Variants in ARHGAP26 observed in about 807,000 individuals in gnomAD.
ARHGAP26 encodes Rho GTPase activating protein 26.
Under a neutral mutation model 104.8 loss-of-function variants are expected in ARHGAP26, and 38 were observed. That is an observed-to-expected ratio of 0.36 (90% confidence interval 0.28 to 0.48). The LOEUF (loss-of-function observed/expected upper bound fraction) is 0.48. ARHGAP26 is among the 20% of genes least tolerant of loss of function. The probability of loss-of-function intolerance (pLI) is 0.99; values close to 1 mark genes in which losing one functional copy is unlikely to be tolerated. For synonymous variants in ARHGAP26, 341 were observed against 340.0 expected (o/e 1.00, Z -0.03); for missense variants, 704 against 947.9 (o/e 0.74, Z 3.38).
intron 11 of ARHGAP26, among the ~76,000 whole-genome samples, chr5:143,008,977 G>A (rs979006610): frequency 2.0e-5 from 3 of 151,992 alleles, no homozygotes; most frequent in Non-Finnish European, 4.4e-5. Flanking sequence ...GGCTTTCCTC[G>A]CCCTCCTTTG....
At chr5:142,833,081 G>A (rs548446784) in intron 1 of ARHGAP26, among the ~76,000 whole-genome samples, 32 of 152,048 alleles carry the variant, frequency 2.1e-4, no homozygotes, top group Admixed American at 1.6e-3. Context: ...TTGAGGTGGA[G>A]TTTCACTTTT....
intron 1 of ARHGAP26, among the ~76,000 whole-genome samples, chr5:142,792,850 C>A (rs372597429): frequency 4.6e-5 from 7 of 152,320 alleles, no homozygotes; most frequent in African/African-American, 1.4e-4. Flanking sequence ...TAAATAGTAA[C>A]ATTAAAGTTC....
intron 18 of ARHGAP26, among the ~76,000 whole-genome samples, chr5:143,126,470 C>G (rs1391845192): frequency 1.3e-5 from 2 of 152,140 alleles, no homozygotes; most frequent in African/African-American, 4.8e-5. Flanking sequence ...GAAAGACATC[C>G]TTGGAAGCTG....
intron 22 of ARHGAP26, among the ~76,000 whole-genome samples, chr5:143,219,731 T>C (rs560944175): frequency 3.3e-5 from 5 of 152,386 alleles, no homozygotes; most frequent in Non-Finnish European, 7.3e-5. Flanking sequence ...TTATAGCTCC[T>C]AACTTCCTGT....
At chr5:143,049,654 C>A (rs762822798) in intron 14 of ARHGAP26, among the ~76,000 whole-genome samples, 19 of 152,112 alleles carry the variant, frequency 1.2e-4, no homozygotes, top group African/African-American at 4.8e-5. Flanking sequence ...TGGATAGATT[C>A]TCCTTGTTCT....
chr5:143,097,360 G>GAAAA (rs56116431), intron 17 of ARHGAP26, among the ~76,000 whole-genome samples: 44 of 63,238 alleles, frequency 7.0e-4, no homozygotes, highest in Non-Finnish European at 8.3e-4. Flanking sequence ...TCAAAAAAAA[G>GAAAA]AAAAAAAAAA....
chr5:142,833,438 G>T (rs1768923366), intron 1 of ARHGAP26, among the ~76,000 whole-genome samples: 1 of 151,816 alleles, frequency 6.6e-6, no homozygotes, highest in South Asian at 2.1e-4. Context: ...TCTGTTTTAT[G>T]GATATAAGAT....
At chr5:143,068,421 AC>A (rs1408906633) in intron 17 of ARHGAP26, among the ~76,000 whole-genome samples, 2 of 151,940 alleles carry the variant, frequency 1.3e-5, no homozygotes, top group Non-Finnish European at 2.9e-5. Flanking sequence ...CAATATCCAC[AC>A]CTGTGCCTAT....
At chr5:142,833,028 C>T (rs1768809205) in intron 1 of ARHGAP26, among the ~76,000 whole-genome samples, 1 of 151,922 alleles carries the variant, frequency 6.6e-6, no homozygotes, top group Non-Finnish European at 1.5e-5. Flanking sequence ...GAAATACACT[C>T]ATAATCTTAC....
intron 17 of ARHGAP26, among the ~76,000 whole-genome samples, chr5:143,093,320 A>G (rs1047329503): frequency 6.6e-6 from 1 of 152,118 alleles, no homozygotes; most frequent in African/African-American, 2.4e-5. Flanking sequence ...GATTTTTGAT[A>G]GGAAGGCTAC....
intron 14 of ARHGAP26, among the ~76,000 whole-genome samples, chr5:143,052,446 GTGAC>G (rs2150235482): frequency 6.6e-6 from 1 of 151,870 alleles, no homozygotes; most frequent in South Asian, 2.1e-4. Context: ...CTCCAGCCTG[GTGAC>G]AGAGTGAGAC....
intron 20 of ARHGAP26, chr5:143,193,846 T>C (rs1806353295): frequency 2.0e-5 from 3 of 152,252 alleles, no homozygotes; most frequent in African/African-American, 7.2e-5. Flanking sequence ...AAATTAAACT[T>C]TACCATAGAT....
chr5:142,918,145 ATT>A (rs1023197882), intron 10 of ARHGAP26, among the ~76,000 whole-genome samples: 1 of 151,466 alleles, frequency 6.6e-6, no homozygotes, highest in Non-Finnish European at 1.5e-5. Context: ...ATTTTATTTT[ATT>A]TTATTTATTT....
intron 20 of ARHGAP26, among the ~76,000 whole-genome samples, chr5:143,191,271 G>A (rs139058232): frequency 6.6e-6 from 1 of 152,312 alleles, no homozygotes; most frequent in East Asian, 1.9e-4. Flanking sequence ...TTATTATTCT[G>A]TAGGTAGTGT....
rs537726218 is a variant in ARHGAP26 at position 142,809,443 on chromosome 5, A to G, written c.154+38528A>G. On this transcript the variant is annotated intron_variant, in intron 1 of 22. Coordinates refer to ENST00000645722, the MANE Select transcript of ARHGAP26 (RefSeq NM_001135608.3). ...CAGCACTCTGTTCTTCCTGTTTTGG[A>G]CACTAGCAATCAAGACAGAAGTTGG... Among the ~76,000 whole-genome samples the G allele has an allele frequency of 2.0e-5, 3 of 152,228 alleles. No homozygotes were observed. The East Asian group carries it at 5.8e-4, about 29-fold the overall frequency.
At chr5:143,151,216 G>T (rs1414841171) in intron 20 of ARHGAP26, among the ~76,000 whole-genome samples, 1 of 152,126 alleles carries the variant, frequency 6.6e-6, no homozygotes, top group Non-Finnish European at 1.5e-5. Flanking sequence ...AAACAACAGT[G>T]AGATACCACT....
At chr5:143,046,775 G>A (rs940727036) in intron 14 of ARHGAP26, among the ~76,000 whole-genome samples, 8 of 151,946 alleles carry the variant, frequency 5.3e-5, no homozygotes, top group African/African-American at 1.2e-4. Flanking sequence ...CTGTCTCTCC[G>A]TACATATTTT....
At chr5:143,150,923 A>G (rs1248884461) in intron 20 of ARHGAP26, among the ~76,000 whole-genome samples, 1 of 152,238 alleles carries the variant, frequency 6.6e-6, no homozygotes, top group Non-Finnish European at 1.5e-5. Context: ...CTTAAGTTGG[A>G]CTGTGTTTAA....
intron 20 of ARHGAP26, among the ~76,000 whole-genome samples, chr5:143,205,872 A>G (rs1334599992): frequency 6.6e-6 from 1 of 152,226 alleles, no homozygotes; most frequent in East Asian, 1.9e-4. Flanking sequence ...GATATTTTAG[A>G]CACTGGATAT....
Sources: allele counts gnomAD v4.1 joint callset (sites outside exome capture counted in the v4.1 genomes callset), GRCh38; gene constraint gnomAD v4.1.1; transcripts MANE v1.5; gene names NCBI Gene and HGNC (gene_info 2026-07-23, HGNC 2026-07-21).